Variants in SAMD5 observed in about 807,000 individuals in gnomAD.
SAMD5 encodes sterile alpha motif domain-containing protein 5.
In SAMD5, 13 loss-of-function variants were observed where a neutral mutation model predicts 11.3. That is an observed-to-expected ratio of 1.15 (90% CI 0.75 to 1.83). The LOEUF is 1.83. Among genes scored for constraint, SAMD5 ranks in the 40% most tolerant of loss-of-function variants. The pLI, the probability that SAMD5 is intolerant of heterozygous loss-of-function variation, is 0.00. For synonymous variants in SAMD5, 129 were observed against 111.3 expected, an observed-to-expected ratio of 1.16 and a Z score of -1.00; for missense variants, 255 against 239.1, an observed-to-expected ratio of 1.07 and a Z score of -0.44.
In SAMD5 at chr6:147,565,788, A is replaced by G; in HGVS notation, c.*1332A>G. 5 of 985,336 alleles carry G rather than the reference A, an allele frequency of 5.1e-6. No homozygotes were observed. The highest frequency in any genetic ancestry group is 6.0e-6 in the Non-Finnish European group (5 of 829,916). 61.0% of individuals were successfully genotyped at this position (985,336 alleles called of 1,614,324 possible). A position where few individuals can be genotyped will look rare whatever the true frequency, so the allele number is the denominator to read the frequency against. On this transcript the variant is annotated 3_prime_UTR_variant, in exon 2 of 2. Coordinates refer to ENST00000367474, the MANE Select transcript of SAMD5 (RefSeq NM_001030060.3). ...ATGCTGGTAGTTTTATTTTCTGCTT[A>G]GAAAACGCAACCATGTTGATGGGAC...
At chr6:147,629,910 A>G (rs1333551663) in intron 1 of SAMD5, among the ~76,000 whole-genome samples, 2 of 151,408 alleles carry the variant, frequency 1.3e-5, no homozygotes, top group African/African-American at 4.9e-5. Flanking sequence ...GACCCATTAA[A>G]GAGTTTTCGA....
chr6:147,564,613 T>G lies in SAMD5; in HGVS notation c.*157T>G. 1 of 1,432,290 alleles carries G rather than the reference T, an allele frequency of 7.0e-7. No homozygotes were observed. Among genetic ancestry groups the G allele is most frequent in the Non-Finnish European group, 9.2e-7 (1 of 1,090,916 alleles). 88.7% of individuals were successfully genotyped at this position (1,432,290 alleles called of 1,614,324 possible). On this transcript the variant is annotated 3_prime_UTR_variant, in exon 2 of 2. Coordinates refer to ENST00000367474, the MANE Select transcript of SAMD5 (RefSeq NM_001030060.3). ...TGGACAAATTCTGGAATAATCAACT[T>G]AGTAAACTGGGTAACTGGCTTATAA...
the SAMD5 span, among the ~76,000 whole-genome samples, chr6:147,806,320 A>G: frequency 8.5e-5 from 6 of 70,850 alleles, no homozygotes; most frequent in South Asian, 1.4e-3. Context: ...GCGCGCGCGC[A>G]CACACACACA....
At chr6:147,662,083 G>T (rs892439853) in intron 1 of SAMD5, among the ~76,000 whole-genome samples, 2 of 152,148 alleles carry the variant, frequency 1.3e-5, no homozygotes. Flanking sequence ...GCAAAGCCCC[G>T]ATGACCCACA....
intron 1 of SAMD5, among the ~76,000 whole-genome samples, chr6:147,590,077 C>G (rs1265523063): frequency 1.3e-5 from 2 of 152,068 alleles, no homozygotes; most frequent in Non-Finnish European, 2.9e-5. Flanking sequence ...AAATAAGATG[C>G]AAATATGAAA....
chr6:147,788,943 G>T, the SAMD5 span, among the ~76,000 whole-genome samples: 1 of 151,908 alleles, frequency 6.6e-6, no homozygotes, highest in African/African-American at 2.4e-5. Flanking sequence ...AATTAGCCGG[G>T]CGTAGTGGCA....
At chr6:147,619,292 A>G (rs1312438534) in intron 1 of SAMD5, among the ~76,000 whole-genome samples, 1 of 152,260 alleles carries the variant, frequency 6.6e-6, no homozygotes, top group Non-Finnish European at 1.5e-5. Context: ...TTCTGCATTT[A>G]TAGCTGAACT....
chr6:147,768,690 G>T, the SAMD5 span, among the ~76,000 whole-genome samples: 3 of 152,170 alleles, frequency 2.0e-5, no homozygotes, highest in Non-Finnish European at 4.4e-5. Context: ...ATGGGGTACA[G>T]TGTGATGTTT....
chr6:147,838,645 A>C, the SAMD5 span, among the ~76,000 whole-genome samples: 2 of 151,332 alleles, frequency 1.3e-5, no homozygotes, highest in African/African-American at 2.4e-5. Flanking sequence ...CTTACTCTGA[A>C]GGAGTGAGAC....
the SAMD5 span, among the ~76,000 whole-genome samples, chr6:147,800,569 G>A: frequency 1.9e-3 from 289 of 152,368 alleles, no homozygotes; most frequent in African/African-American, 6.7e-3. Context: ...GAGGCAGGCA[G>A]GCCTCCTTGA....
chr6:147,854,877 C>T, the SAMD5 span, among the ~76,000 whole-genome samples: 1 of 152,148 alleles, frequency 6.6e-6, no homozygotes, highest in Non-Finnish European at 1.5e-5. Context: ...TCACTTATTA[C>T]TCCTATAGTA....
intron 1 of SAMD5, chr6:147,676,296 A>C (rs1790862629): frequency 6.6e-6 from 1 of 152,164 alleles, no homozygotes; most frequent in South Asian, 2.1e-4. Flanking sequence ...ACACCGAGAT[A>C]CTAGCAATGA....
chr6:147,877,392 T>G, the SAMD5 span, among the ~76,000 whole-genome samples: 1 of 152,102 alleles, frequency 6.6e-6, no homozygotes, highest in East Asian at 1.9e-4. Flanking sequence ...TAATTCAACC[T>G]TACAACAGAG....
chr6:147,840,033 T>A, the SAMD5 span, among the ~76,000 whole-genome samples: 1 of 152,198 alleles, frequency 6.6e-6, no homozygotes, highest in Non-Finnish European at 1.5e-5. Flanking sequence ...CTGTATTAGT[T>A]CTGTTGTTTA....
At chr6:147,756,339 T>C in the SAMD5 span, among the ~76,000 whole-genome samples, 1 of 152,118 alleles carries the variant, frequency 6.6e-6, no homozygotes, top group East Asian at 1.9e-4. Flanking sequence ...AAAAGAAATC[T>C]TGGTGTTCAA....
At chr6:147,764,171 T>C in the SAMD5 span, among the ~76,000 whole-genome samples, 2 of 152,206 alleles carry the variant, frequency 1.3e-5, no homozygotes, top group Non-Finnish European at 2.9e-5. Context: ...CTAGTATTTA[T>C]GGGTGAAGCC....
the SAMD5 span, among the ~76,000 whole-genome samples, chr6:147,866,843 G>A: frequency 1.3e-5 from 2 of 152,274 alleles, 1 homozygote; most frequent in East Asian, 3.9e-4. Flanking sequence ...GAAGGGCACA[G>A]TAGCATTCTA....
At chr6:147,895,503 G>A in the SAMD5 span, among the ~76,000 whole-genome samples, 1 of 152,208 alleles carries the variant, frequency 6.6e-6, no homozygotes, top group African/African-American at 2.4e-5. Flanking sequence ...AATTCAGAGT[G>A]AGGGAGACTG....
At chr6:147,580,626 T>C (rs1789283227) in intron 1 of SAMD5, among the ~76,000 whole-genome samples, 1 of 152,224 alleles carries the variant, frequency 6.6e-6, no homozygotes, top group African/African-American at 2.4e-5. Context: ...GGACTAGACT[T>C]TAAAATTGTA....
Sources: allele counts gnomAD v4.1 joint callset (sites outside exome capture counted in the v4.1 genomes callset), GRCh38; gene constraint gnomAD v4.1.1; transcripts MANE v1.5; gene names NCBI Gene and HGNC (gene_info 2026-07-23, HGNC 2026-07-21).